RANBP17: variants seen among roughly 807,000 people sequenced by gnomAD.
RANBP17 encodes the protein ran-binding protein 17.
A neutral mutation model predicts 141.2 loss-of-function variants in RANBP17; 158 were observed. The observed-to-expected ratio is 1.12, with a 90% CI of 0.98 to 1.28. The LOEUF is 1.28. Among genes scored for constraint, RANBP17 ranks in the 50% most tolerant of loss-of-function variants. RANBP17 has a pLI of 0.00. For missense variants in RANBP17, 1,438 were observed against 1,290.7 expected (o/e 1.11, Z -1.75); for synonymous variants, 430 against 450.0 (o/e 0.96, Z 0.56).
At chr5:170,877,588 T>C (rs1184843356) in intron 1 of RANBP17, among the ~76,000 whole-genome samples, 1 of 152,166 alleles carries the variant, frequency 6.6e-6, no homozygotes, top group Non-Finnish European at 1.5e-5. Flanking sequence ...TGAGAAAGAA[T>C]ATAAATTTGG....
At chr5:171,247,853 A>G (rs1051206933) in intron 24 of RANBP17, among the ~76,000 whole-genome samples, 2 of 152,214 alleles carry the variant, frequency 1.3e-5, no homozygotes, top group Non-Finnish European at 2.9e-5. Context: ...GGGAAGAGAT[A>G]AGCAATAATT....
chr5:171,230,543 C>T (rs1359850620), intron 22 of RANBP17, among the ~76,000 whole-genome samples: 1 of 152,016 alleles, frequency 6.6e-6, no homozygotes, highest in Non-Finnish European at 1.5e-5. Context: ...TGTGGATCAC[C>T]TGAGGTCAGG....
At chr5:171,003,356 GT>G (rs1561976007) in intron 14 of RANBP17, among the ~76,000 whole-genome samples, 1 of 152,178 alleles carries the variant, frequency 6.6e-6, no homozygotes, top group African/African-American at 2.4e-5. Context: ...CCTTTTGTGA[GT>G]TTATGTATTG....
intron 14 of RANBP17, among the ~76,000 whole-genome samples, chr5:171,002,487 G>A (rs1329326057): frequency 6.6e-6 from 1 of 152,126 alleles, no homozygotes; most frequent in Non-Finnish European, 1.5e-5. Flanking sequence ...TTATTAAAGA[G>A]GCATTAATGT....
intron 14 of RANBP17, among the ~76,000 whole-genome samples, chr5:171,117,828 T>TG (rs1278340623): frequency 6.8e-4 from 79 of 115,962 alleles, no homozygotes; most frequent in African/African-American, 2.2e-3. Context: ...ATATGTGGGG[T>TG]TTTGTTGTTG....
chr5:171,207,251 A>T (rs1015205058), intron 20 of RANBP17: 2 of 152,712 alleles, frequency 1.3e-5, no homozygotes, highest in African/African-American at 2.4e-5. Context: ...TCTTGAAACC[A>T]GTCTACAACT....
At chr5:170,877,446 T>A (rs1385138349) in intron 1 of RANBP17, among the ~76,000 whole-genome samples, 1 of 152,034 alleles carries the variant, frequency 6.6e-6, no homozygotes, top group Non-Finnish European at 1.5e-5. Context: ...GTTGTATTTG[T>A]AGAGGGGATT....
intron 14 of RANBP17, among the ~76,000 whole-genome samples, chr5:170,974,055 A>G (rs1173300090): frequency 1.3e-5 from 2 of 152,188 alleles, no homozygotes; most frequent in Admixed American, 6.5e-5. Flanking sequence ...TGTCCTTCTC[A>G]TATGCAAAAC....
intron 14 of RANBP17, among the ~76,000 whole-genome samples, chr5:171,131,912 G>A (rs1276511596): frequency 1.3e-5 from 2 of 152,256 alleles, no homozygotes; most frequent in African/African-American, 2.4e-5. Context: ...GAGTAATTAA[G>A]TGCTTCCTAT....
chr5:170,876,349 G>A (rs373954913), intron 1 of RANBP17, among the ~76,000 whole-genome samples: 37 of 151,998 alleles, frequency 2.4e-4, no homozygotes, highest in African/African-American at 7.7e-4. Flanking sequence ...GGGAGCCTCC[G>A]ATCGCCACTG....
At chr5:170,981,542 GTTTTCCTGCACAGGCTCTCATTTTTTTT>G (rs1201437294) in intron 14 of RANBP17, among the ~76,000 whole-genome samples, 1 of 151,494 alleles carries the variant, frequency 6.6e-6, no homozygotes, top group Non-Finnish European at 1.5e-5. Flanking sequence ...AAAAGGGGGA[GTTTTCCTGCACAGGCTCTCATTTTTTTT>G]TTTGCCTGCC....
intron 14 of RANBP17, among the ~76,000 whole-genome samples, chr5:171,046,349 C>T (rs1381100310): frequency 1.3e-5 from 2 of 151,848 alleles, no homozygotes; most frequent in African/African-American, 4.8e-5. Flanking sequence ...GCTGGGACTA[C>T]AGGCACGCTC....
chr5:171,099,664 C>T (rs1786986926), intron 14 of RANBP17, among the ~76,000 whole-genome samples: 1 of 152,188 alleles, frequency 6.6e-6, no homozygotes, highest in Admixed American at 6.5e-5. Flanking sequence ...TGAGAGAGGG[C>T]ATCCTTTTCT....
chr5:171,045,173 G>A (rs1782495257), intron 14 of RANBP17, among the ~76,000 whole-genome samples: 2 of 151,892 alleles, frequency 1.3e-5, no homozygotes, highest in Admixed American at 6.6e-5. Context: ...TGCTTATATT[G>A]TTCTCTTCTC....
chr5:171,233,132 G>A (rs1015004987), intron 22 of RANBP17, among the ~76,000 whole-genome samples: 1 of 152,116 alleles, frequency 6.6e-6, no homozygotes, highest in Non-Finnish European at 1.5e-5. Flanking sequence ...GAGCCCAGGA[G>A]TTTGAGACTA....
At chr5:171,089,527 C>T (rs1409388588) in intron 14 of RANBP17, among the ~76,000 whole-genome samples, 9 of 152,040 alleles carry the variant, frequency 5.9e-5, no homozygotes, top group African/African-American at 1.2e-4. Context: ...CCTAAGCAAG[C>T]CTGGGCAATG....
At chr5:171,153,435 T>A (rs1210878076) in intron 14 of RANBP17, among the ~76,000 whole-genome samples, 2 of 152,194 alleles carry the variant, frequency 1.3e-5, no homozygotes, top group Non-Finnish European at 2.9e-5. Flanking sequence ...TGCTAAACAG[T>A]GGGACACACT....
intron 14 of RANBP17, among the ~76,000 whole-genome samples, chr5:171,057,672 A>C (rs1190396631): frequency 9.5e-6 from 1 of 105,698 alleles, no homozygotes; most frequent in Non-Finnish European, 2.2e-5. Context: ...AGCTTCATTG[A>C]TTTACAGTTT....
rs947227982 is a variant in RANBP17, at chr5:171,063,176, T to C, written c.1710+94799T>C. ...CTCTCAACTCGTCAAACTCATTCTC[T>C]GTCCAGCTTTGTTCTGTTGCTGGTG... On this transcript the variant is annotated intron_variant, in intron 14 of 27. Transcript: ENST00000523189. 6.0e-3 allele frequency among the ~76,000 whole-genome samples: 915 copies of C among 152,374 alleles called. 31 individuals carry two copies. Among genetic ancestry groups the C allele is most frequent in the Admixed American group, 0.037 (569 of 15,306 alleles).
Sources: allele counts gnomAD v4.1 joint callset (sites outside exome capture counted in the v4.1 genomes callset), GRCh38; gene constraint gnomAD v4.1.1; transcripts MANE v1.5; gene names NCBI Gene and HGNC (gene_info 2026-07-23, HGNC 2026-07-21).